OSBPL1A: variants seen among roughly 807,000 people sequenced by gnomAD.
The protein encoded by OSBPL1A is oxysterol-binding protein-related protein 1.
A neutral mutation model predicts 137.1 loss-of-function variants in OSBPL1A; 80 were observed. The ratio of observed to expected loss-of-function variants is 0.58; its 90% CI spans 0.49 to 0.70. The LOEUF is 0.70. Among genes scored for constraint, OSBPL1A ranks in the 30% least tolerant of loss-of-function variants. OSBPL1A has a pLI of 0.00. For synonymous variants in OSBPL1A, 365 were observed against 389.7 expected (o/e 0.94, Z 0.75); for missense variants, 970 against 1,129.4 (o/e 0.86, Z 2.02).
chr18:24,276,610 A>G (rs1009849003), intron 15 of OSBPL1A, among the ~76,000 whole-genome samples: 2 of 151,646 alleles, frequency 1.3e-5, no homozygotes, highest in Non-Finnish European at 2.9e-5. Flanking sequence ...CACCTGGCTA[A>G]TTTTTTGTAT....
At chr18:24,311,726 G>A (rs1211195316) in intron 13 of OSBPL1A, among the ~76,000 whole-genome samples, 1 of 152,148 alleles carries the variant, frequency 6.6e-6, no homozygotes. Context: ...TAACAGCAAC[G>A]TAAAAAGTTT....
intron 26 of OSBPL1A, among the ~76,000 whole-genome samples, chr18:24,166,053 C>T (rs532360401): frequency 6.6e-6 from 1 of 151,964 alleles, no homozygotes; most frequent in African/African-American, 2.4e-5. Context: ...GCCGAGATTG[C>T]GCCACTGCAC....
intron 6 of OSBPL1A, 150 bp downstream of exon 6, chr18:24,334,095 A>AT (rs2091129957): frequency 1.9e-6 from 1 of 527,594 alleles, no homozygotes; most frequent in Admixed American, 3.9e-5. Context: ...GTGTTTTTAG[A>AT]TATTAAGAAC....
intron 15 of OSBPL1A, among the ~76,000 whole-genome samples, chr18:24,258,664 C>T (rs964258158): frequency 1.3e-5 from 2 of 152,114 alleles, no homozygotes; most frequent in African/African-American, 2.4e-5. Flanking sequence ...GAATGGCTAT[C>T]CCATTTTCCA....
intron 16 of OSBPL1A, among the ~76,000 whole-genome samples, chr18:24,234,018 AG>A (rs1294380964): frequency 6.6e-6 from 1 of 152,226 alleles, no homozygotes; most frequent in Non-Finnish European, 1.5e-5. Context: ...ACACAAAAAA[AG>A]AAACTAATTC....
chr18:24,290,197 A>G (rs2090150459), intron 14 of OSBPL1A, among the ~76,000 whole-genome samples: 2 of 152,176 alleles, frequency 1.3e-5, no homozygotes, highest in African/African-American at 4.8e-5. Context: ...TCCAATCACA[A>G]TCCATAAAGA....
intron 17 of OSBPL1A, among the ~76,000 whole-genome samples, chr18:24,217,289 G>A (rs2087735783): frequency 7.8e-6 from 1 of 128,372 alleles, no homozygotes; most frequent in Non-Finnish European, 1.6e-5. Flanking sequence ...ACAGAGTCTT[G>A]CTCTGTCACT....
intron 15 of OSBPL1A, among the ~76,000 whole-genome samples, chr18:24,259,187 G>A (rs2089376487): frequency 6.6e-6 from 1 of 151,976 alleles, no homozygotes; most frequent in Non-Finnish European, 1.5e-5. Flanking sequence ...GATTATAGGC[G>A]AGAGCCACCA....
intron 17 of OSBPL1A, among the ~76,000 whole-genome samples, chr18:24,219,458 G>A (rs552910666): frequency 6.6e-6 from 1 of 152,136 alleles, no homozygotes; most frequent in African/African-American, 2.4e-5. Context: ...TTTAGAAATG[G>A]GATTATTCAT....
chr18:24,382,423 A>AAG (rs1379285837), intron 1 of OSBPL1A, among the ~76,000 whole-genome samples: 2 of 150,234 alleles, frequency 1.3e-5, no homozygotes, highest in African/African-American at 4.9e-5. Context: ...AAAAAAAAAA[A>AAG]AAAATTTGCT....
chr18:24,353,305 A>G (rs1231448502), intron 4 of OSBPL1A, among the ~76,000 whole-genome samples: 1 of 152,214 alleles, frequency 6.6e-6, no homozygotes, highest in African/African-American at 2.4e-5. Context: ...CAGCCAAAAA[A>G]CACATGAAAA....
At position 24,325,737 on chromosome 18, in the gene OSBPL1A, C is replaced by T. The variant is rs369541641; in HGVS notation, c.626-6928G>A. 7.2e-5 allele frequency among the ~76,000 whole-genome samples: 11 copies of T among 152,268 alleles called. No homozygotes were observed. In the East Asian group the frequency reaches 1.3e-3, roughly 19 times the overall value. On this transcript the variant is annotated intron_variant, in intron 7 of 27. Transcript: ENST00000319481. ...ACTGCTGGGCCTCCAGCACCTAGGA[C>T]GGTTCTTGGCACACAGTGGAGGCGC...
At chr18:24,315,315 A>G (rs891290712) in intron 11 of OSBPL1A, among the ~76,000 whole-genome samples, 4 of 152,224 alleles carry the variant, frequency 2.6e-5, no homozygotes, top group African/African-American at 9.6e-5. Context: ...CCCCAAGGGA[A>G]AGAGACAGAG....
At chr18:24,279,250 T>TA (rs565359517) in intron 15 of OSBPL1A, among the ~76,000 whole-genome samples, 47,985 of 125,236 alleles carry the variant, frequency 0.38, 9,333 homozygotes, top group Middle Eastern at 0.45. Flanking sequence ...CCCATTTCTT[T>TA]AAAAAAAAAA....
intron 17 of OSBPL1A, among the ~76,000 whole-genome samples, chr18:24,210,943 T>C (rs1357245521): frequency 7.5e-6 from 1 of 132,778 alleles, no homozygotes; most frequent in Non-Finnish European, 1.6e-5. Context: ...AAAAGTGATA[T>C]GTTAACCCAA....
chr18:24,383,685 C>T (rs188469295), intron 1 of OSBPL1A, among the ~76,000 whole-genome samples: 24 of 152,224 alleles, frequency 1.6e-4, no homozygotes, highest in Admixed American at 7.8e-4. Context: ...ACCTAGGAGG[C>T]GGAGGTTGCA....
chr18:24,309,677 G>C (rs2090577034), intron 13 of OSBPL1A, among the ~76,000 whole-genome samples: 1 of 152,178 alleles, frequency 6.6e-6, no homozygotes, highest in South Asian at 2.1e-4. Context: ...GACAAGCTAT[G>C]ATTCAACACA....
chr18:24,260,596 G>C (rs959441316), intron 15 of OSBPL1A, among the ~76,000 whole-genome samples: 2 of 152,076 alleles, frequency 1.3e-5, no homozygotes, highest in African/African-American at 4.8e-5. Flanking sequence ...TTCAAGACAG[G>C]CAAATCCATA....
chr18:24,221,812 T>C (rs1376824037), intron 17 of OSBPL1A, among the ~76,000 whole-genome samples: 12 of 152,218 alleles, frequency 7.9e-5, no homozygotes. Flanking sequence ...CACCCTTTTT[T>C]TCCCAAGACT....
Sources: allele counts gnomAD v4.1 joint callset (sites outside exome capture counted in the v4.1 genomes callset), GRCh38; gene constraint gnomAD v4.1.1; transcripts MANE v1.5; gene names NCBI Gene and HGNC (gene_info 2026-07-23, HGNC 2026-07-21).